The following TNS1 variants were observed in gnomAD, a reference collection of about 807,000 sequenced individuals.
TNS1 encodes tensin-1.
In TNS1, 62 loss-of-function variants were observed where a neutral mutation model predicts 168.6. That is an observed-to-expected ratio of 0.37 (90% CI 0.30 to 0.45). The LOEUF (loss-of-function observed/expected upper bound fraction) is 0.45. TNS1 is among the 20% of genes least tolerant of loss of function. The pLI, the probability that TNS1 is intolerant of heterozygous loss-of-function variation, is 1.00. For synonymous variants in TNS1, 934 were observed against 933.2 expected (o/e 1.00, Z -0.02); for missense variants, 2,240 against 2,339.4 (o/e 0.96, Z 0.88).
intron 6 of TNS1, among the ~76,000 whole-genome samples, chr2:217,905,748 G>C (rs1054537181): frequency 1.3e-5 from 2 of 152,168 alleles, no homozygotes; most frequent in African/African-American, 4.8e-5. Context: ...CTCAAAGCAC[G>C]TCCTGGAAGA....
intron 1 of TNS1, among the ~76,000 whole-genome samples, chr2:218,025,192 G>C (rs886632954): frequency 6.6e-6 from 1 of 151,938 alleles, no homozygotes; most frequent in Admixed American, 6.5e-5. Context: ...AATGCACCTC[G>C]CAGACCTTCT....
intron 3 of TNS1, among the ~76,000 whole-genome samples, chr2:217,965,053 A>G (rs1356416333): frequency 6.6e-6 from 1 of 152,248 alleles, no homozygotes; most frequent in Non-Finnish European, 1.5e-5. Context: ...ACACAGGGCC[A>G]GCAGGTGGCT....
At chr2:217,805,489 C>G (rs1379629331) in intron 32 of TNS1, among the ~76,000 whole-genome samples, 1 of 10,066 alleles carries the variant, frequency 9.9e-5, no homozygotes, top group Non-Finnish European at 2.2e-4. Context: ...ACACACCACA[C>G]ACACACCACA....
chr2:217,810,254 C>T lies in TNS1; in HGVS notation c.5098G>A (p.Gly1700Arg). The change falls in exon 29 of 33, where the codon GGG becomes AGG. Residue 1700 changes from glycine (G) to arginine (R), a missense_variant. Physicochemically the swap from Gly to Arg is moderately radical, Grantham distance 125. Around this residue, in one of 2 missense-constraint regions of TNS1, gnomAD observed 2,131 missense variants for 2,171.2 expected, o/e 0.98. Transcript: ENST00000682258. ...GTTTCAGGTGACCACTCACCTGCCCCTTGTTTCAGCAGGTCTGCAGTTGAG... is the reference window on the plus strand; with the variant it reads ...GTTTCAGGTGACCACTCACCTGCCCTTTGTTTCAGCAGGTCTGCAGTTGAG... ...ANSTADLLKQ[G>R]AACNVLFVNS... The T allele has an allele frequency of 6.2e-7, 1 of 1,614,092 alleles. No homozygotes were observed.
rs995784747 is a variant in TNS1, at chr2:217,923,193, C to G, written c.187-2957G>C. Among the ~76,000 whole-genome samples the G allele has an allele frequency of 1.4e-4, 22 of 152,262 alleles. 1 individual carries two copies. In the South Asian group the frequency reaches 3.3e-3, roughly 23 times the overall value. ...TGGTGCCAGCGCTGTCATAGGCTCA[C>G]CTCCCAGAGCTGTCAGTGCAGGATT... On this transcript the variant is annotated intron_variant, in intron 3 of 32. Transcript: ENST00000682258.
intron 2 of TNS1, among the ~76,000 whole-genome samples, chr2:217,985,938 T>C (rs1958183099): frequency 6.6e-6 from 1 of 152,158 alleles, no homozygotes; most frequent in Admixed American, 6.5e-5. Context: ...CCCCTTAAGA[T>C]TCCCTTGGAT....
chr2:217,965,705 C>T (rs1957609131), intron 3 of TNS1, among the ~76,000 whole-genome samples: 1 of 152,218 alleles, frequency 6.6e-6, no homozygotes, highest in African/African-American at 2.4e-5. Flanking sequence ...TCACCACACC[C>T]CGGGAGGCGG....
intron 28 of TNS1, among the ~76,000 whole-genome samples, chr2:217,811,707 C>G (rs1940944274): frequency 6.6e-6 from 1 of 152,134 alleles, no homozygotes; most frequent in Admixed American, 6.5e-5. Flanking sequence ...AGGTGCCCAC[C>G]TGCCACGCTC....
At chr2:217,951,454 G>A (rs1957238979) in intron 3 of TNS1, among the ~76,000 whole-genome samples, 1 of 152,154 alleles carries the variant, frequency 6.6e-6, no homozygotes, top group East Asian at 1.9e-4. Flanking sequence ...ACCCCATTGG[G>A]TATTGACCTT....
chr2:217,835,131 C>G lies in TNS1; in HGVS notation c.3240G>C (p.Glu1080Asp). The part of the protein sequence containing the change: ...HLHSYKEAFE[E>D]MEGTSPSSPP... The stretch of plus-strand genomic sequence containing the variant: ...GGCTGCTCGGGGAGGTTCCCTCCAT[C>G]TCCTCGAAGGCCTCCTTGTAGCTGT... Residue 1080 changes from glutamate (E) to aspartate (D), a missense_variant, in exon 21 of 33, where the codon GAG becomes GAC. Physicochemically the swap from Glu to Asp is conservative, Grantham distance 45. Transcript: ENST00000682258. 1 of 1,589,718 alleles carries G rather than the reference C, an allele frequency of 6.3e-7. No homozygotes were observed. The highest frequency in any genetic ancestry group is 8.5e-7 in the Non-Finnish European group (1 of 1,171,554).
At chr2:217,822,702 C>A (rs767447378) in intron 22 of TNS1, among the ~76,000 whole-genome samples, 1 of 152,188 alleles carries the variant, frequency 6.6e-6, no homozygotes, top group Non-Finnish European at 1.5e-5. Flanking sequence ...GTGGGGGACA[C>A]ACGCTAGAAA....
intron 6 of TNS1, 71 bp downstream of exon 6, chr2:217,906,264 C>CT: frequency 3.9e-5 from 26 of 666,134 alleles, no homozygotes; most frequent in Non-Finnish European, 5.0e-5. Context: ...CATTATCCAC[C>CT]TCCCACCCCA....
chr2:217,900,345 C>T, intron 7 of TNS1, 118 bp downstream of exon 7: 1 of 1,189,228 alleles, frequency 8.4e-7, no homozygotes, highest in South Asian at 1.4e-5. Flanking sequence ...TGCCCACACT[C>T]CCCACCCGTG....
intron 18 of TNS1, among the ~76,000 whole-genome samples, chr2:217,861,051 T>C: frequency 6.6e-6 from 1 of 152,126 alleles, no homozygotes; most frequent in Non-Finnish European, 1.5e-5. Flanking sequence ...CAGCTGCAAA[T>C]AATAAGAGAG....
intron 13 of TNS1, 146 bp from the exon 14 acceptor site, chr2:217,886,250 G>C: frequency 1.2e-6 from 1 of 848,862 alleles, no homozygotes; most frequent in Non-Finnish European, 1.8e-6. Flanking sequence ...AGAGGAAAGA[G>C]TAAAAGAGGA....
In TNS1 at chr2:218,033,068, G is replaced by A. The variant is rs957268057; in HGVS notation, c.156+752C>T. ...CCATGTCAAAGCTGGCTGTGTGGGA[G>A]GTGGGGAGGCAGGGACACAGGGTGA... On this transcript the variant is annotated intron_variant, in intron 1 of 1. Coordinates refer to the TNS1 transcript ENST00000649572. The surrounding 1 kb of genome is among the most constrained non-coding windows in gnomAD (Gnocchi z 4.3). 6.6e-5 allele frequency among the ~76,000 whole-genome samples: 10 copies of A among 152,172 alleles called. No homozygotes were observed. The highest frequency in any genetic ancestry group is 1.5e-4 in the Non-Finnish European group (10 of 68,024).
intron 2 of TNS1, among the ~76,000 whole-genome samples, chr2:217,984,832 T>G (rs1448906004): frequency 6.6e-6 from 1 of 150,858 alleles, no homozygotes; most frequent in Non-Finnish European, 1.5e-5. Context: ...CTCGGCTCAC[T>G]GCAACCTCCA....
intron 3 of TNS1, among the ~76,000 whole-genome samples, chr2:217,977,528 A>G (rs1268197489): frequency 6.6e-6 from 1 of 152,190 alleles, no homozygotes; most frequent in Non-Finnish European, 1.5e-5. Flanking sequence ...CCCCAAGGTA[A>G]CACTTGTCCC....
intron 3 of TNS1, among the ~76,000 whole-genome samples, chr2:217,972,648 C>T (rs925067663): frequency 1.3e-5 from 2 of 152,196 alleles, no homozygotes; most frequent in Non-Finnish European, 2.9e-5. Flanking sequence ...AAGAGCCACC[C>T]AAGAGGCTGA....
Sources: allele counts gnomAD v4.1 joint callset (sites outside exome capture counted in the v4.1 genomes callset), GRCh38; gene constraint gnomAD v4.1.1; regional missense constraint gnomAD v4.1.1; non-coding constraint Gnocchi (gnomAD v3.1); transcripts MANE v1.5; gene names NCBI Gene and HGNC (gene_info 2026-07-23, HGNC 2026-07-21).